GPC5: variants seen among roughly 807,000 people sequenced by gnomAD.
The protein encoded by GPC5 is glypican-5.
In GPC5, 47 loss-of-function variants were observed where a neutral mutation model predicts 53.9. The observed-to-expected ratio is 0.87, with a 90% confidence interval of 0.69 to 1.11. The LOEUF is 1.11. Ranked by LOEUF, GPC5 falls within the 50% of genes most tolerant of loss-of-function variation. The pLI is 0.00. For missense variants in GPC5, 748 were observed against 713.1 expected (o/e 1.05, Z -0.56); for synonymous variants, 286 against 263.3 (o/e 1.09, Z -0.84).
At chr13:91,790,191 G>A (rs1566685650) in intron 5 of GPC5, among the ~76,000 whole-genome samples, 2 of 152,142 alleles carry the variant, frequency 1.3e-5, no homozygotes, top group Admixed American at 6.5e-5. Context: ...GGTGTGAGGT[G>A]ATATTTCATT....
At chr13:91,953,228 TGA>T (rs1278510723) in intron 6 of GPC5, among the ~76,000 whole-genome samples, 1 of 152,138 alleles carries the variant, frequency 6.6e-6, no homozygotes, top group Non-Finnish European at 1.5e-5. Context: ...GCAGATATGT[TGA>T]GTTTGATGTT....
rs1435619957 is a variant in GPC5 at position 92,264,874 on chromosome 13, C to CTGTG, written c.1561+119886_1561+119887insGTGT. Among the ~76,000 whole-genome samples, 113 of 116,584 alleles carry CTGTG rather than the reference C, an allele frequency of 9.7e-4. 1 individual carries two copies. The East Asian group carries it at 0.015, about 16-fold the overall frequency. 76.5% of individuals were successfully genotyped at this position (116,584 alleles called of 152,430 possible). A position where few individuals can be genotyped will look rare whatever the true frequency, so the allele number is the denominator to read the frequency against. On this transcript the variant is annotated intron_variant, in intron 7 of 7. Transcript: ENST00000377067. ...TTAGGGTCTCTCTCTCTCTCTCTCT[C>CTGTG]TCTCTGTGTGTGTGTGTGTGTGTGT... is the stretch of plus-strand genomic sequence containing the variant.
At chr13:91,922,510 T>C (rs2039725414) in intron 6 of GPC5, among the ~76,000 whole-genome samples, 1 of 152,182 alleles carries the variant, frequency 6.6e-6, no homozygotes, top group Non-Finnish European at 1.5e-5. Flanking sequence ...ACTTTGTCTT[T>C]TTAAAAGAAA....
intron 6 of GPC5, among the ~76,000 whole-genome samples, chr13:91,938,277 G>C (rs915401162): frequency 6.6e-6 from 1 of 152,066 alleles, no homozygotes; most frequent in South Asian, 2.1e-4. Context: ...GAAGGAGCAG[G>C]CATGTCACAT....
intron 6 of GPC5, among the ~76,000 whole-genome samples, chr13:92,004,517 A>G (rs1409775483): frequency 1.4e-5 from 2 of 141,462 alleles, no homozygotes; most frequent in Non-Finnish European, 3.0e-5. Context: ...TCATGCAAAG[A>G]GTACTTATCT....
At chr13:92,591,560 A>G (rs1883712600) in intron 7 of GPC5, among the ~76,000 whole-genome samples, 1 of 152,182 alleles carries the variant, frequency 6.6e-6, no homozygotes, top group Non-Finnish European at 1.5e-5. Context: ...GCTAGTTAAT[A>G]CATTGATTAC....
At chr13:92,214,855 A>C (rs1482329726) in intron 7 of GPC5, among the ~76,000 whole-genome samples, 1 of 152,208 alleles carries the variant, frequency 6.6e-6, no homozygotes, top group Non-Finnish European at 1.5e-5. Context: ...AGAGACAGAC[A>C]GCTCCATGAG....
intron 2 of GPC5, among the ~76,000 whole-genome samples, chr13:91,634,003 A>G (rs948273845): frequency 6.6e-6 from 1 of 152,118 alleles, no homozygotes; most frequent in Non-Finnish European, 1.5e-5. Context: ...TATGAATAAT[A>G]AAGCACACAT....
chr13:92,507,840 T>C (rs963969664), intron 7 of GPC5, among the ~76,000 whole-genome samples: 1 of 151,768 alleles, frequency 6.6e-6, no homozygotes, highest in Non-Finnish European at 1.5e-5. Context: ...TTTACCTTAT[T>C]TTTTTTTGCT....
At chr13:92,580,743 A>G (rs1219872596) in intron 7 of GPC5, among the ~76,000 whole-genome samples, 1 of 152,078 alleles carries the variant, frequency 6.6e-6, no homozygotes, top group Non-Finnish European at 1.5e-5. Context: ...GCGAGAATTC[A>G]CTTATTATCA....
chr13:91,511,102 G>T (rs1885209291), intron 2 of GPC5, among the ~76,000 whole-genome samples: 1 of 151,998 alleles, frequency 6.6e-6, no homozygotes, highest in South Asian at 2.1e-4. Flanking sequence ...TTAAATTTGA[G>T]TTTGTAGTTA....
intron 7 of GPC5, among the ~76,000 whole-genome samples, chr13:92,312,052 A>G (rs2043148484): frequency 6.6e-6 from 1 of 152,148 alleles, no homozygotes; most frequent in African/African-American, 2.4e-5. Context: ...AAATCTTGCT[A>G]TTTTGACCAC....
chr13:92,769,668 G>A (rs1223330607), intron 7 of GPC5, among the ~76,000 whole-genome samples: 1 of 152,102 alleles, frequency 6.6e-6, no homozygotes. Flanking sequence ...AATAATCCTG[G>A]TGTTTGCAGG....
At chr13:91,718,993 T>C (rs920414240) in intron 3 of GPC5, among the ~76,000 whole-genome samples, 1 of 152,222 alleles carries the variant, frequency 6.6e-6, no homozygotes, top group Non-Finnish European at 1.5e-5. Context: ...GCAAAATGTA[T>C]TTTATTTCCA....
chr13:92,529,421 G>A (rs1201413210), intron 7 of GPC5, among the ~76,000 whole-genome samples: 1 of 152,094 alleles, frequency 6.6e-6, no homozygotes, highest in South Asian at 2.1e-4. Context: ...ATTATTTAAG[G>A]TCTTATAATA....
chr13:91,557,429 AT>A (rs2031021628), intron 2 of GPC5, among the ~76,000 whole-genome samples: 1 of 151,928 alleles, frequency 6.6e-6, no homozygotes, highest in Non-Finnish European at 1.5e-5. Flanking sequence ...GCCCCCATCT[AT>A]TTTGTACCTG....
intron 7 of GPC5, among the ~76,000 whole-genome samples, chr13:92,755,313 G>C (rs1255684998): frequency 7.1e-6 from 1 of 140,516 alleles, no homozygotes; most frequent in Non-Finnish European, 1.5e-5. Context: ...CAGAATCTCT[G>C]GGACGCATTC....
At chr13:92,736,920 A>G (rs904257854) in intron 7 of GPC5, among the ~76,000 whole-genome samples, 2 of 151,902 alleles carry the variant, frequency 1.3e-5, no homozygotes, top group Non-Finnish European at 2.9e-5. Context: ...AATGCAGTCT[A>G]TGTTTTTCTC....
At chr13:91,796,019 G>A (rs2038040473) in intron 5 of GPC5, among the ~76,000 whole-genome samples, 1 of 152,086 alleles carries the variant, frequency 6.6e-6, no homozygotes, top group African/African-American at 2.4e-5. Flanking sequence ...CAAGATGGTG[G>A]CGGGCTACTC....
Sources: allele counts gnomAD v4.1 joint callset (sites outside exome capture counted in the v4.1 genomes callset), GRCh38; gene constraint gnomAD v4.1.1; transcripts MANE v1.5; gene names NCBI Gene and HGNC (gene_info 2026-07-23, HGNC 2026-07-21).